NRXN1: variants seen among roughly 807,000 people sequenced by gnomAD.
NRXN1 encodes the protein neurexin-1.
Under a neutral mutation model 150.9 loss-of-function variants are expected in NRXN1, and 39 were observed. The ratio of observed to expected loss-of-function variants is 0.26; its 90% CI spans 0.20 to 0.34. The LOEUF (loss-of-function observed/expected upper bound fraction) is 0.34, where lower values mean the gene tolerates loss of function less well. Ranked by LOEUF, NRXN1 falls within the 10% of genes least tolerant of loss-of-function variation. NRXN1 has a pLI of 1.00. For synonymous variants in NRXN1, 924 were observed against 757.0 expected (o/e 1.22, Z -3.62); for missense variants, 1,815 against 1,949.9 (o/e 0.93, Z 1.30).
chr2:50,878,732 C>T (rs1678983731), intron 5 of NRXN1, among the ~76,000 whole-genome samples: 2 of 151,874 alleles, frequency 1.3e-5, no homozygotes, highest in Admixed American at 1.3e-4. Context: ...TCCACAGAAC[C>T]TTTCATCAGA....
intron 21 of NRXN1, among the ~76,000 whole-genome samples, chr2:50,010,951 G>C (rs1685563199): frequency 6.6e-6 from 1 of 152,190 alleles, no homozygotes; most frequent in African/African-American, 2.4e-5. Flanking sequence ...AAATCATTGA[G>C]AGTCAAAAAG....
intron 21 of NRXN1, among the ~76,000 whole-genome samples, chr2:50,020,463 C>T (rs1687399767): frequency 6.6e-6 from 1 of 152,182 alleles, no homozygotes; most frequent in African/African-American, 2.4e-5. Flanking sequence ...AAACACAATA[C>T]CTACCTGAAA....
At chr2:50,078,845 G>A (rs1697481317) in intron 19 of NRXN1, among the ~76,000 whole-genome samples, 1 of 152,028 alleles carries the variant, frequency 6.6e-6, no homozygotes, top group Non-Finnish European at 1.5e-5. Context: ...GATCTGCTGA[G>A]TTTTTCTGAA....
intron 18 of NRXN1, among the ~76,000 whole-genome samples, chr2:50,188,789 G>C (rs1016030812): frequency 2.0e-5 from 3 of 152,144 alleles, no homozygotes; most frequent in African/African-American, 4.8e-5. Context: ...CTGGTCATTA[G>C]AAAAATGCAA....
In NRXN1 at chr2:50,495,889, C is replaced by T. The variant is rs746117725; in HGVS notation, c.3070+16G>A. 7 of 1,570,070 alleles carry T rather than the reference C, an allele frequency of 4.5e-6. No homozygotes were observed. The highest frequency in any genetic ancestry group is 6.0e-6 in the Non-Finnish European group (7 of 1,157,434). ...TGTGGTGCAAGGCTCGTTGCTCTGA[C>T]TTAACATGCACTTACTCTTGAGGTC... On this transcript the variant is annotated intron_variant, in intron 15 of 22. Coordinates refer to ENST00000401669, the MANE Select transcript of NRXN1 (RefSeq NM_001330078.2).
At chr2:50,773,899 C>A (rs772557554) in intron 5 of NRXN1, among the ~76,000 whole-genome samples, 3 of 152,096 alleles carry the variant, frequency 2.0e-5, no homozygotes, top group Non-Finnish European at 4.4e-5. Context: ...ACAAGCAACA[C>A]AAGGACTGCA....
chr2:50,043,617 C>T (rs1691351824), intron 21 of NRXN1, among the ~76,000 whole-genome samples: 1 of 152,142 alleles, frequency 6.6e-6, no homozygotes, highest in African/African-American at 2.4e-5. Flanking sequence ...CTCACTCTTT[C>T]AAAACATACT....
Position 50,630,119 on chromosome 2 carries a change from A to T in NRXN1, c.833-6504T>A, listed in dbSNP as rs375351406. On this transcript the variant is annotated intron_variant, in intron 5 of 22. Coordinates refer to ENST00000401669, the MANE Select transcript of NRXN1 (RefSeq NM_001330078.2). ...TTCAGTCCCATTCCATATCCGACAC[A>T]CTATAACTTAGAAGAAAATTCACAG... Among the ~76,000 whole-genome samples, 7 of 151,856 alleles carry T rather than the reference A, an allele frequency of 4.6e-5. No homozygotes were observed. In the South Asian group the frequency reaches 8.3e-4, roughly 18 times the overall value.
chr2:50,067,371 T>C (rs973589227), intron 19 of NRXN1, among the ~76,000 whole-genome samples: 7 of 152,234 alleles, frequency 4.6e-5, no homozygotes, highest in African/African-American at 1.7e-4. Flanking sequence ...TATTGTTTCA[T>C]CAGATTAATT....
intron 21 of NRXN1, among the ~76,000 whole-genome samples, chr2:49,986,670 T>C (rs915675589): frequency 3.3e-5 from 5 of 152,236 alleles, no homozygotes; most frequent in Non-Finnish European, 5.9e-5. Context: ...GCATACAACA[T>C]GTAATAATCA....
At chr2:50,412,181 C>G (rs375022485) in intron 17 of NRXN1, among the ~76,000 whole-genome samples, 2 of 152,042 alleles carry the variant, frequency 1.3e-5, no homozygotes, top group African/African-American at 4.8e-5. Context: ...CTGCAGAAGG[C>G]GGCAGGGCCC....
chr2:50,225,079 TCCTCAGGCCTCTGACTTTTGTTTG>T (rs1302182220), intron 18 of NRXN1, among the ~76,000 whole-genome samples: 6 of 151,938 alleles, frequency 3.9e-5, no homozygotes, highest in African/African-American at 7.2e-5. Flanking sequence ...CAGGCCTCAG[TCCTCAGGCCTCTGACTTTTGTTTG>T]CCTCAGGAGG....
intron 18 of NRXN1, among the ~76,000 whole-genome samples, chr2:50,218,824 T>A (rs1400977857): frequency 1.3e-5 from 2 of 152,028 alleles, no homozygotes; most frequent in African/African-American, 2.4e-5. Context: ...GACATTTTAG[T>A]TAAATATAAT....
chr2:50,852,223 T>C (rs970474613), intron 5 of NRXN1, among the ~76,000 whole-genome samples: 5 of 152,164 alleles, frequency 3.3e-5, no homozygotes, highest in Admixed American at 6.5e-5. Flanking sequence ...CTTTACACTA[T>C]GACAGTTGAA....
intron 17 of NRXN1, among the ~76,000 whole-genome samples, chr2:50,284,005 T>G (rs57052740): frequency 0.22 from 32,828 of 152,042 alleles, 3,910 homozygotes; most frequent in East Asian, 0.38. Flanking sequence ...TTGGGAGAAG[T>G]GCTTATTTTC....
At chr2:50,814,551 G>C (rs530066829) in intron 5 of NRXN1, among the ~76,000 whole-genome samples, 12 of 152,078 alleles carry the variant, frequency 7.9e-5, no homozygotes, top group Non-Finnish European at 1.6e-4. Context: ...ATTTCTGGGA[G>C]TATATCATAC....
intron 5 of NRXN1, among the ~76,000 whole-genome samples, chr2:50,702,051 G>C (rs1466051914): frequency 6.6e-6 from 1 of 151,782 alleles, no homozygotes; most frequent in East Asian, 1.9e-4. Context: ...TCCTTTAATT[G>C]GGTTTCCAAA....
At chr2:50,471,321 G>A (rs1428961709) in intron 16 of NRXN1, among the ~76,000 whole-genome samples, 1 of 151,596 alleles carries the variant, frequency 6.6e-6, no homozygotes, top group Non-Finnish European at 1.5e-5. Context: ...TGCACCCATA[G>A]TGCAGCTCCC....
chr2:49,938,719 A>G (rs891217528), intron 22 of NRXN1, among the ~76,000 whole-genome samples: 1 of 152,216 alleles, frequency 6.6e-6, no homozygotes, highest in African/African-American at 2.4e-5. Context: ...AGGGCTCCAG[A>G]AAACAGGAGG....
Sources: allele counts gnomAD v4.1 joint callset (sites outside exome capture counted in the v4.1 genomes callset), GRCh38; gene constraint gnomAD v4.1.1; transcripts MANE v1.5; gene names NCBI Gene and HGNC (gene_info 2026-07-23, HGNC 2026-07-21).